Variants in CPEB2 observed in about 807,000 individuals in gnomAD.
CPEB2 encodes cytoplasmic polyadenylation element-binding protein 2.
CPEB2 carries 56 observed loss-of-function variants against 93.6 expected under a neutral mutation model. That is an observed-to-expected ratio of 0.60 (90% confidence interval 0.48 to 0.75). The LOEUF is 0.75. CPEB2 is among the 30% of genes least tolerant of loss of function. The probability of loss-of-function intolerance (pLI) is 0.00; values close to 1 mark genes in which losing one functional copy is unlikely to be tolerated. For synonymous variants in CPEB2, 764 were observed against 586.3 expected (o/e 1.30, Z -4.38); for missense variants, 1,579 against 1,395.1 (o/e 1.13, Z -2.10).
At chr4:15,063,657 C>T (rs1170404138) in intron 11 of CPEB2, 1 of 152,074 alleles carries the variant, frequency 6.6e-6, no homozygotes, top group East Asian at 1.9e-4. Flanking sequence ...AGTATGTAAT[C>T]ATGGTATTTA....
At chr4:15,054,293 C>A in intron 8 of CPEB2, 76 bp downstream of exon 8, 2 of 977,228 alleles carry the variant, frequency 2.0e-6, no homozygotes, top group Non-Finnish European at 3.2e-6. Flanking sequence ...AATTACTTAG[C>A]CAGTTAGGAA....
chr4:15,004,114 AGCGGCGGCGGCG>A lies in CPEB2; in HGVS notation c.1450_1461del (p.Gly484_Gly487del), dbSNP rs534266090. On this transcript the variant is annotated inframe_deletion, in exon 1 of 12. Transcript: ENST00000538197. ...CTGCACTGGGCTCAGCGTTCCGACG[AGCGGCGGCGGCG>A]GCGGCGGCTTCGGCGGCCCCTTCTC... 6.8e-6 allele frequency: 10 copies of A among 1,475,070 alleles called. No individual in the cohort carries two copies. The East Asian group carries it at 2.2e-4, about 33-fold the overall frequency. 91.4% of individuals were successfully genotyped at this position (1,475,070 alleles called of 1,614,324 possible).
Position 15,003,437 on chromosome 4 carries a change from CGGCAGACCT to C in CPEB2, c.766_774del (p.Ala256_Leu258del), listed in dbSNP as rs1487124746. 5.2e-6 allele frequency: 7 copies of C among 1,358,118 alleles called. No homozygotes were observed. The highest frequency in any genetic ancestry group is 6.6e-6 in the Non-Finnish European group (7 of 1,065,936). 84.1% of individuals were successfully genotyped at this position (1,358,118 alleles called of 1,614,324 possible). On this transcript the variant is annotated inframe_deletion, in exon 1 of 12. Transcript: ENST00000538197. ...CAGGACTTCGCCCCGCGGCAGCGTC[CGGCAGACCT>C]GCCCCCGCTCCCGCAGCTCCCTCCC...
At chr4:15,023,201 T>G (rs946282187) in intron 4 of CPEB2, among the ~76,000 whole-genome samples, 2 of 152,032 alleles carry the variant, frequency 1.3e-5, no homozygotes, top group Non-Finnish European at 1.5e-5. Context: ...ATCACTTGTT[T>G]TAAATGGAAA....
At chr4:15,029,521 A>G (rs1725857395) in intron 4 of CPEB2, among the ~76,000 whole-genome samples, 1 of 152,092 alleles carries the variant, frequency 6.6e-6, no homozygotes, top group Non-Finnish European at 1.5e-5. Context: ...CTTTATTGAT[A>G]TATTAAACCA....
At chr4:15,029,818 C>G (rs767374457) in intron 4 of CPEB2, among the ~76,000 whole-genome samples, 2 of 152,094 alleles carry the variant, frequency 1.3e-5, no homozygotes, top group African/African-American at 2.4e-5. Context: ...AATATGGTCT[C>G]TTCACTTTAG....
chr4:15,058,860 G>A (rs531576855), intron 9 of CPEB2, among the ~76,000 whole-genome samples: 7 of 152,240 alleles, frequency 4.6e-5, no homozygotes, highest in Admixed American at 3.3e-4. Context: ...TGAACTGCAC[G>A]TGCGAGTGAT....
chr4:15,053,682 G>C (rs1474456830), intron 7 of CPEB2, among the ~76,000 whole-genome samples: 1 of 152,142 alleles, frequency 6.6e-6, no homozygotes, highest in Non-Finnish European at 1.5e-5. Context: ...GCATGTATCA[G>C]ACCCTTGTAT....
At chr4:15,026,106 A>G (rs144089730) in intron 4 of CPEB2, among the ~76,000 whole-genome samples, 3 of 152,278 alleles carry the variant, frequency 2.0e-5, no homozygotes, top group African/African-American at 4.8e-5. Flanking sequence ...CTACCTCATC[A>G]TAAAGACTCT....
rs1722154736 is a variant in CPEB2, at chr4:15,002,923, T to A, written c.250T>A (p.Ser84Thr). The change falls in exon 1 of 12, where the codon TCC (serine) becomes ACC (threonine). Residue 84 changes from serine to threonine, a missense_variant. Coordinates refer to ENST00000538197, the MANE Select transcript of CPEB2 (RefSeq NM_001177382.2). The stretch of plus-strand genomic sequence containing the variant: ...CCCGGCCGCCGCCGCTTCCTCTTCC[T>A]CCCCGTTCCTGGCGCATCAGCAGAC... Reference protein sequence around the residue: ...GSPAAAASSSSPFLAHQQTMQ... With the variant: ...GSPAAAASSSTPFLAHQQTMQ... 2.7e-6 allele frequency: 4 copies of A among 1,508,232 alleles called. No homozygotes were observed. Among genetic ancestry groups the A allele is most frequent in the Non-Finnish European group, 3.5e-6 (4 of 1,138,354 alleles). 93.4% of individuals were successfully genotyped at this position (1,508,232 alleles called of 1,614,324 possible).
chr4:15,017,287 CTTTT>C lies in CPEB2; in HGVS notation c.2125+11_2125+14del, dbSNP rs932070875. On this transcript the variant is annotated intron_variant, in intron 4 of 11. Coordinates refer to ENST00000538197, the MANE Select transcript of CPEB2 (RefSeq NM_001177382.2). ...GCATGATCCTCTTAAGGGTAGGTGA[CTTTT>C]TAAAAAAATATATGTTTATATTATA... The C allele has an allele frequency of 2.0e-6, 3 of 1,487,434 alleles. No homozygotes were observed. Among genetic ancestry groups the C allele is most frequent in the South Asian group, 1.2e-5 (1 of 83,526 alleles). 92.1% of individuals were successfully genotyped at this position (1,487,434 alleles called of 1,614,324 possible).
At chr4:15,060,495 C>G in intron 10 of CPEB2, among the ~76,000 whole-genome samples, 1 of 152,030 alleles carries the variant, frequency 6.6e-6, no homozygotes, top group East Asian at 1.9e-4. Context: ...AGAAAGCCAA[C>G]TGAACAGAGG....
At chr4:15,015,179 C>T (rs1374640387) in intron 3 of CPEB2, among the ~76,000 whole-genome samples, 1 of 152,034 alleles carries the variant, frequency 6.6e-6, no homozygotes, top group Non-Finnish European at 1.5e-5. Flanking sequence ...CCACTCCAGA[C>T]CTACTGAATT....
intron 4 of CPEB2, among the ~76,000 whole-genome samples, chr4:15,029,912 C>T (rs902846687): frequency 5.3e-5 from 8 of 152,220 alleles, no homozygotes; most frequent in South Asian, 2.1e-4. Flanking sequence ...AGAAATTGCA[C>T]GTACCACTTT....
rs1560213351 is a variant in CPEB2 at position 15,007,506 on chromosome 4, CCAT to C, written c.1867_1869del (p.Ser623del). 5.6e-6 allele frequency: 9 copies of C among 1,613,848 alleles called. No homozygotes were observed. In the Admixed American group the frequency reaches 1.5e-4, roughly 27 times the overall value. On this transcript the variant is annotated inframe_deletion, in exon 2 of 12. Transcript: ENST00000538197. ...ACCACCGAAATTTACTCGCTCAACT[CCAT>C]CACTGACTCCAAAATCTTGGATTGA...
chr4:15,036,140 C>T (rs1726580472), intron 5 of CPEB2, among the ~76,000 whole-genome samples: 1 of 152,116 alleles, frequency 6.6e-6, no homozygotes, highest in Non-Finnish European at 1.5e-5. Context: ...AAATCCTTAA[C>T]TCTAAGCATC....
intron 6 of CPEB2, among the ~76,000 whole-genome samples, chr4:15,047,965 C>A (rs146618058): frequency 0.011 from 1,651 of 148,582 alleles, 30 homozygotes; most frequent in African/African-American, 0.038. Flanking sequence ...AGATGCATTT[C>A]CTACATTTAT....
Position 15,003,567 on chromosome 4 carries a change from T to A in CPEB2, c.894T>A (p.Asn298Lys). Residue 298 changes from asparagine (N) to lysine (K), a missense_variant, in exon 1 of 12, where the codon AAT (asparagine) becomes AAA (lysine). Around this residue, in one of 2 missense-constraint regions of CPEB2, gnomAD observed 1,411 missense variants for 1,056.0 expected, o/e 1.34. Coordinates refer to ENST00000538197, the MANE Select transcript of CPEB2 (RefSeq NM_001177382.2). ...AGEGSAAESP[N>K]AGLASSTPVN... is the part of the protein sequence containing the mutation. ...AGGGCAGCGCCGCCGAGTCCCCCAA[T>A]GCGGGCTTGGCCTCCTCGACGCCGG... The A allele has an allele frequency of 4.1e-6, 6 of 1,466,814 alleles. No individual in the cohort carries two copies. The highest frequency in any genetic ancestry group is 5.4e-6 in the Non-Finnish European group (6 of 1,113,174). The allele number at this position is 1,466,814 out of a possible 1,614,324, so 90.9% of individuals were successfully genotyped here.
At chr4:15,005,671 A>G (rs1051191969) in intron 1 of CPEB2, among the ~76,000 whole-genome samples, 2 of 152,190 alleles carry the variant, frequency 1.3e-5, no homozygotes, top group Non-Finnish European at 2.9e-5. Context: ...GTCTTTTTAA[A>G]GTGAATATTA....
Sources: gnomAD v4.1 joint callset for allele counts (sites outside exome capture counted in the v4.1 genomes callset) on GRCh38, gnomAD v4.1.1 for gene constraint, gnomAD v4.1.1 regional missense constraint, MANE v1.5 for transcripts, NCBI Gene and HGNC (gene_info 2026-07-23, HGNC 2026-07-21) for gene names.